Variants in IL1RAPL1 observed in about 807,000 individuals in gnomAD.
IL1RAPL1 encodes the protein interleukin-1 receptor accessory protein-like 1.
Under a neutral mutation model 48.4 loss-of-function variants are expected in IL1RAPL1, and 3 were observed. The ratio of observed to expected loss-of-function variants is 0.06; its 90% CI spans 0.03 to 0.16. The LOEUF is 0.16. Ranked by LOEUF, IL1RAPL1 falls within the 10% of genes least tolerant of loss-of-function variation. The pLI, the probability that IL1RAPL1 is intolerant of heterozygous loss-of-function variation, is 1.00. For missense variants in IL1RAPL1, 349 were observed against 530.6 expected (o/e 0.66, Z 3.36); for synonymous variants, 185 against 187.7 (o/e 0.99, Z 0.12).
At chrX:28,701,855 A>G (rs1935302368) in intron 1 of IL1RAPL1, among the ~76,000 whole-genome samples, 1 of 111,783 alleles carries the variant, frequency 8.9e-6, no homozygotes, top group Non-Finnish European at 1.9e-5. Flanking sequence ...GAAAGGGAAG[A>G]TAATTAAAGA....
At chrX:29,937,790 A>G (rs776741843) in intron 8 of IL1RAPL1, among the ~76,000 whole-genome samples, 5 of 111,639 alleles carry the variant, frequency 4.5e-5, no homozygotes, top group Non-Finnish European at 9.4e-5. Context: ...ATGTAATACT[A>G]CAGAAGTCTC....
intron 6 of IL1RAPL1, among the ~76,000 whole-genome samples, chrX:29,862,751 A>G: frequency 9.0e-6 from 1 of 110,749 alleles, no homozygotes; most frequent in South Asian, 3.9e-4. Flanking sequence ...GTTCAAAACA[A>G]TATCTATCGG....
chrX:29,065,108 T>G (rs1927426611), intron 2 of IL1RAPL1, among the ~76,000 whole-genome samples: 1 of 111,298 alleles, frequency 9.0e-6, no homozygotes, highest in Admixed American at 9.6e-5. Flanking sequence ...CATGTTGTTT[T>G]ATACAGTTGA....
chrX:29,180,282 A>G (rs957119505), intron 2 of IL1RAPL1, among the ~76,000 whole-genome samples: 1 of 111,033 alleles, frequency 9.0e-6, no homozygotes, highest in Non-Finnish European at 1.9e-5. Flanking sequence ...GATATAACGA[A>G]TATTTATTAT....
chrX:29,933,030 T>C (rs1397260569), intron 8 of IL1RAPL1, among the ~76,000 whole-genome samples: 2 of 111,791 alleles, frequency 1.8e-5, no homozygotes, highest in South Asian at 3.7e-4. Flanking sequence ...ACATTCTTAG[T>C]TCTGTAAGTC....
At chrX:29,247,082 C>T (rs1931528249) in intron 2 of IL1RAPL1, among the ~76,000 whole-genome samples, 1 of 111,950 alleles carries the variant, frequency 8.9e-6, no homozygotes, top group Non-Finnish European at 1.9e-5. Context: ...AAGTTGAAGT[C>T]ATATATTCTG....
chrX:28,871,095 G>T (rs904988375), intron 2 of IL1RAPL1, among the ~76,000 whole-genome samples: 2 of 111,691 alleles, frequency 1.8e-5, no homozygotes, highest in African/African-American at 6.5e-5. Flanking sequence ...GGTTTTAGTC[G>T]GAGTTTATCC....
At chrX:29,929,952 C>A (rs921016879) in intron 8 of IL1RAPL1, among the ~76,000 whole-genome samples, 25 of 111,430 alleles carry the variant, frequency 2.2e-4, no homozygotes, top group African/African-American at 7.5e-4. Context: ...TTAAAGATAC[C>A]GCAATAAAAT....
chrX:28,787,617 G>C (rs1024173286), intron 1 of IL1RAPL1, among the ~76,000 whole-genome samples: 1 of 111,615 alleles, frequency 9.0e-6, no homozygotes, highest in Non-Finnish European at 1.9e-5. Flanking sequence ...GAATAAAATG[G>C]TGATGGTGAC....
intron 5 of IL1RAPL1, among the ~76,000 whole-genome samples, chrX:29,607,254 T>A (rs759262788): frequency 8.9e-6 from 1 of 111,811 alleles, no homozygotes; most frequent in Admixed American, 9.5e-5. Context: ...GCTACCATTT[T>A]CTAGTCTCCA....
chrX:28,827,269 C>G (rs1174625294), intron 2 of IL1RAPL1, among the ~76,000 whole-genome samples: 3 of 110,812 alleles, frequency 2.7e-5, no homozygotes, highest in Non-Finnish European at 5.7e-5. Context: ...AAAACCTGAA[C>G]TAATCTCATT....
intron 3 of IL1RAPL1, among the ~76,000 whole-genome samples, chrX:29,361,542 A>C (rs867848488): frequency 3.0e-5 from 3 of 100,986 alleles, no homozygotes; most frequent in Non-Finnish European, 4.0e-5. Flanking sequence ...AACTACCTTA[A>C]ACACACACAC....
chrX:29,176,814 TACCAA>T (rs1383371847), intron 2 of IL1RAPL1, among the ~76,000 whole-genome samples: 5 of 111,082 alleles, frequency 4.5e-5, no homozygotes, highest in African/African-American at 6.5e-5. Flanking sequence ...CAATGCCATT[TACCAA>T]TCTTTTCCTG....
chrX:29,400,078 C>T (rs760773033), intron 5 of IL1RAPL1, among the ~76,000 whole-genome samples: 1 of 111,218 alleles, frequency 9.0e-6, no homozygotes, highest in East Asian at 2.9e-4. Flanking sequence ...AATAGCATAA[C>T]TTCAGGTGCA....
intron 2 of IL1RAPL1, among the ~76,000 whole-genome samples, chrX:29,119,645 G>A (rs984444125): frequency 9.0e-6 from 1 of 111,113 alleles, no homozygotes; most frequent in Admixed American, 9.7e-5. Flanking sequence ...TGTAATTGAC[G>A]AATCTTTGGA....
At chrX:28,956,730 G>C (rs1164910288) in intron 2 of IL1RAPL1, among the ~76,000 whole-genome samples, 1 of 108,441 alleles carries the variant, frequency 9.2e-6, no homozygotes, top group Non-Finnish European at 1.9e-5. Context: ...TCTCTTTTTT[G>C]GTTGTGTCTC....
chrX:28,874,687 C>G lies in IL1RAPL1; in HGVS notation c.82+85262C>G, dbSNP rs1391491271. On this transcript the variant is annotated intron_variant, in intron 2 of 10. Coordinates refer to ENST00000378993, the MANE Select transcript of IL1RAPL1 (RefSeq NM_014271.4). ...TGAACATGGTGTTATTATAAGGAAGCTGGCAGTACAAGTGGTACTTTGTGT... is the reference window on the plus strand; with the variant it reads ...TGAACATGGTGTTATTATAAGGAAGGTGGCAGTACAAGTGGTACTTTGTGT... Among the ~76,000 whole-genome samples, 4 of 112,156 alleles carry G rather than the reference C, an allele frequency of 3.6e-5. No homozygotes were observed. The East Asian group carries it at 1.1e-3, about 32-fold the overall frequency.
intron 5 of IL1RAPL1, among the ~76,000 whole-genome samples, chrX:29,464,777 TAGCAGC>T (rs1934843517): frequency 8.9e-6 from 1 of 112,164 alleles, no homozygotes; most frequent in South Asian, 3.7e-4. Context: ...TTGTCCTTTG[TAGCAGC>T]ATTCATGTAG....
chrX:29,797,442 A>G (rs1929769547), intron 6 of IL1RAPL1, among the ~76,000 whole-genome samples: 1 of 112,264 alleles, frequency 8.9e-6, no homozygotes, highest in African/African-American at 3.2e-5. Context: ...CCAAGGGGCC[A>G]CTAGGATGAA....
Sources: allele counts gnomAD v4.1 joint callset (sites outside exome capture counted in the v4.1 genomes callset), GRCh38; gene constraint gnomAD v4.1.1; transcripts MANE v1.5; gene names NCBI Gene and HGNC (gene_info 2026-07-23, HGNC 2026-07-21).